Variants in DAPK1 observed in about 807,000 individuals in gnomAD.
The protein encoded by DAPK1 is death-associated protein kinase 1.
A neutral mutation model predicts 144.9 loss-of-function variants in DAPK1; 56 were observed. The ratio of observed to expected loss-of-function variants is 0.39; its 90% CI spans 0.31 to 0.48. The LOEUF (loss-of-function observed/expected upper bound fraction) is 0.48, where lower values mean the gene tolerates loss of function less well. Ranked by LOEUF, DAPK1 falls within the 20% of genes least tolerant of loss-of-function variation. The pLI is 0.95. For synonymous variants in DAPK1, 690 were observed against 749.0 expected (o/e 0.92, Z 1.29); for missense variants, 1,454 against 1,875.4 (o/e 0.78, Z 4.15).
chr9:87,556,428 G>A (rs1273332598), intron 2 of DAPK1, among the ~76,000 whole-genome samples: 3 of 152,250 alleles, frequency 2.0e-5, no homozygotes, highest in Non-Finnish European at 4.4e-5. Flanking sequence ...CACGGGCAAA[G>A]GGGCTTCCTT....
chr9:87,521,792 CA>C (rs1825307460), intron 2 of DAPK1, among the ~76,000 whole-genome samples: 1 of 152,208 alleles, frequency 6.6e-6, no homozygotes, highest in Non-Finnish European at 1.5e-5. Flanking sequence ...AACTCATGTT[CA>C]AACTTAATCT....
chr9:87,582,557 CT>C lies in DAPK1; in HGVS notation c.63-22382del, dbSNP rs10659497. Among the ~76,000 whole-genome samples, 1,091 of 139,396 alleles carry C rather than the reference CT, an allele frequency of 7.8e-3. 24 individuals are homozygous for C. Among genetic ancestry groups the C allele is most frequent in the African/African-American group, 0.022 (847 of 37,692 alleles). The allele number at this position is 139,396 out of a possible 152,430, so 91.4% of individuals were successfully genotyped here. On this transcript the variant is annotated intron_variant, in intron 2 of 25. Transcript: ENST00000408954. ...TGGTCACACTTTGCCAATTTTCCTGCTTTTTTTTTTTTTTTGAGATGGAATC... is the reference window on the plus strand; with the variant it reads ...TGGTCACACTTTGCCAATTTTCCTGCTTTTTTTTTTTTTTGAGATGGAATC...
intron 3 of DAPK1, among the ~76,000 whole-genome samples, chr9:87,607,762 T>G (rs2118975856): frequency 6.6e-6 from 1 of 152,208 alleles, no homozygotes; most frequent in East Asian, 1.9e-4. Context: ...GTATTAATAC[T>G]ACCCCTTCAT....
In DAPK1 at chr9:87,607,419, C is replaced by T. The variant is rs376531867; in HGVS notation, c.284+2244C>T. 1.5e-3 allele frequency among the ~76,000 whole-genome samples: 228 copies of T among 152,306 alleles called. 1 individual carries two copies. Among genetic ancestry groups the T allele is most frequent in the African/African-American group, 5.2e-3 (216 of 41,572 alleles). On this transcript the variant is annotated intron_variant, in intron 3 of 25. Coordinates refer to ENST00000408954, the MANE Select transcript of DAPK1 (RefSeq NM_004938.4). ...GTGACTCAAGAATGCCACTTATCCT[C>T]ATTTCATACTAAAATATTTGAGCGA...
rs781701049 is a variant in DAPK1, at chr9:87,604,169, T to TG, written c.63-784dup. On this transcript the variant is annotated intron_variant, in intron 2 of 25. Transcript: ENST00000408954. ...GTCCCAAGACAGTTGGCAGCGGCTT[T>TG]GAGGGGGGGGTTCTGTCACACTCAA... Among the ~76,000 whole-genome samples the TG allele has an allele frequency of 1.6e-3, 244 of 151,864 alleles. 3 individuals are homozygous for TG. Among genetic ancestry groups the TG allele is most frequent in the South Asian group, 5.4e-3 (26 of 4,796 alleles).
At chr9:87,643,782 C>T (rs1830177809) in intron 11 of DAPK1, among the ~76,000 whole-genome samples, 2 of 152,094 alleles carry the variant, frequency 1.3e-5, no homozygotes, top group Non-Finnish European at 2.9e-5. Flanking sequence ...ACAGCAAATG[C>T]ACACACATAG....
In DAPK1 at chr9:87,499,111, T is replaced by G; in HGVS notation, c.34T>G (p.Tyr12Asp). 6.2e-7 allele frequency: 1 copy of G among 1,614,058 alleles called. No homozygotes were observed. Among genetic ancestry groups the G allele is most frequent in the Non-Finnish European group, 8.5e-7 (1 of 1,179,986 alleles). ...GTTCAGGCAGGAAAACGTGGATGAT[T>G]ACTACGACACCGGCGAGGAACTTGG... is the stretch of plus-strand genomic sequence containing the variant. ...TVFRQENVDDYYDTGEELGSG... is the reference protein window; with the variant it reads ...TVFRQENVDDDYDTGEELGSG... The change falls in exon 2 of 26, where the codon TAC becomes GAC. Residue 12 changes from tyrosine (Y) to aspartate (D), a missense_variant. Tyr to Asp is a radical substitution (Grantham distance 160). Transcript: ENST00000408954.
intron 17 of DAPK1, 137 bp downstream of exon 17, chr9:87,651,861 G>A (rs1335102284): frequency 1.5e-6 from 1 of 671,844 alleles, no homozygotes; most frequent in Non-Finnish European, 2.7e-6. Context: ...TCCTGATTCT[G>A]TGTCCTCCCA....
In DAPK1 at chr9:87,530,422, AATTTAT is replaced by A. The variant is rs552494560; in HGVS notation, c.62+31287_62+31292del. 1.9e-3 allele frequency among the ~76,000 whole-genome samples: 292 copies of A among 152,206 alleles called. 1 individual carries two copies. Among genetic ancestry groups the A allele is most frequent in the African/African-American group, 6.7e-3 (278 of 41,520 alleles). Reference sequence around the variant, plus strand: ...AATTTCAAGTCTGTTTTGTAAGGGGAATTTATATTAAGCACATTAACAACCTCAGTG... The same window carrying A: ...AATTTCAAGTCTGTTTTGTAAGGGGAATTAAGCACATTAACAACCTCAGTG... On this transcript the variant is annotated intron_variant, in intron 2 of 25. Coordinates refer to ENST00000408954, the MANE Select transcript of DAPK1 (RefSeq NM_004938.4).
At chr9:87,530,820 C>A (rs1488719383) in intron 2 of DAPK1, among the ~76,000 whole-genome samples, 1 of 152,072 alleles carries the variant, frequency 6.6e-6, no homozygotes, top group Non-Finnish European at 1.5e-5. Context: ...CAAAGAAACC[C>A]CCAAGGGCCC....
intron 2 of DAPK1, among the ~76,000 whole-genome samples, chr9:87,531,629 A>T (rs1230228334): frequency 6.6e-6 from 1 of 152,204 alleles, no homozygotes; most frequent in African/African-American, 2.4e-5. Context: ...GAGAAAAAAC[A>T]GTCCTCTCCC....
intron 5 of DAPK1, 55 bp from the exon 6 acceptor site, chr9:87,639,595 T>C: frequency 6.2e-7 from 1 of 1,612,054 alleles, no homozygotes; most frequent in South Asian, 1.1e-5. Context: ...TGCATGAAGA[T>C]AGAATCGGTT....
chr9:87,642,740 G>A (rs1830138473), intron 10 of DAPK1, among the ~76,000 whole-genome samples: 1 of 152,168 alleles, frequency 6.6e-6, no homozygotes, highest in Non-Finnish European at 1.5e-5. Context: ...TTGGGGTGCC[G>A]TGGTAGGGAT....
At chr9:87,569,262 A>G (rs1827247198) in intron 2 of DAPK1, among the ~76,000 whole-genome samples, 1 of 152,052 alleles carries the variant, frequency 6.6e-6, no homozygotes, top group African/African-American at 2.4e-5. Flanking sequence ...CCAGTCTGTG[A>G]GTTTTAGAGT....
intron 19 of DAPK1, among the ~76,000 whole-genome samples, chr9:87,671,179 C>T (rs1450456535): frequency 2.0e-5 from 3 of 152,072 alleles, no homozygotes; most frequent in East Asian, 1.9e-4. Context: ...CTTGCTGCGG[C>T]GCTTCCTCCA....
chr9:87,618,746 C>T (rs2119029185), intron 3 of DAPK1, among the ~76,000 whole-genome samples: 2 of 152,216 alleles, frequency 1.3e-5, no homozygotes, highest in Middle Eastern at 6.8e-3. Flanking sequence ...CTGCCGAGGG[C>T]AGGTGGGAGT....
chr9:87,503,346 C>A (rs1015779085), intron 2 of DAPK1, among the ~76,000 whole-genome samples: 2 of 152,040 alleles, frequency 1.3e-5, no homozygotes, highest in African/African-American at 2.4e-5. Context: ...CTCACTGTAA[C>A]CTTGAACTCC....
In DAPK1 at chr9:87,615,509, G is replaced by C. The variant is rs183480607; in HGVS notation, c.284+10334G>C. ...CCTGGACGACAGAAGTGTCATTGAC[G>C]TTTCCCCTAATATTTTGATAGGAAA... On this transcript the variant is annotated intron_variant, in intron 3 of 25. Coordinates refer to ENST00000408954, the MANE Select transcript of DAPK1 (RefSeq NM_004938.4). Among the ~76,000 whole-genome samples, 16 of 152,302 alleles carry C rather than the reference G, an allele frequency of 1.1e-4. No homozygotes were observed. In the East Asian group the frequency reaches 2.9e-3, roughly 28 times the overall value.
At chr9:87,699,989 C>A in intron 23 of DAPK1, 128 bp from the exon 24 acceptor site, 1 of 715,254 alleles carries the variant, frequency 1.4e-6, no homozygotes, top group Non-Finnish European at 2.4e-6. Context: ...TGGGGAGGGG[C>A]CTTTGCAAGG....
Sources: allele counts gnomAD v4.1 joint callset (sites outside exome capture counted in the v4.1 genomes callset), GRCh38; gene constraint gnomAD v4.1.1; transcripts MANE v1.5; gene names NCBI Gene and HGNC (gene_info 2026-07-23, HGNC 2026-07-21).